TNNI3K: variants seen among roughly 807,000 people sequenced by gnomAD.
The protein encoded by TNNI3K is TNNI3 interacting kinase.
A neutral mutation model predicts 114.5 loss-of-function variants in TNNI3K; 140 were observed. That is an observed-to-expected ratio of 1.22 (90% CI 1.07 to 1.41). The LOEUF is 1.41. Among genes scored for constraint, TNNI3K ranks in the 40% most tolerant of loss-of-function variants. The pLI is 0.00. For missense variants in TNNI3K, 1,125 were observed against 1,007.6 expected, an observed-to-expected ratio of 1.12 and a Z score of -1.58; for synonymous variants, 347 against 347.5, an observed-to-expected ratio of 1.00 and a Z score of 0.02.
intron 2 of TNNI3K, chr1:74,239,952 T>A (rs1654083672): frequency 2.1e-6 from 1 of 470,046 alleles, no homozygotes; most frequent in African/African-American, 2.0e-5. Context: ...GGACATTTGT[T>A]TAGGTAATGG....
intron 7 of TNNI3K, among the ~76,000 whole-genome samples, chr1:74,339,696 G>C (rs1255136695): frequency 6.6e-6 from 1 of 151,908 alleles, no homozygotes; most frequent in Admixed American, 6.6e-5. Context: ...AGTTAGGTAT[G>C]TTTTAAGTCT....
chr1:74,283,960 T>G (rs1657168057), intron 5 of TNNI3K, among the ~76,000 whole-genome samples: 1 of 152,186 alleles, frequency 6.6e-6, no homozygotes, highest in East Asian at 1.9e-4. Flanking sequence ...ACCATACTCC[T>G]TACAAGGAAT....
chr1:74,378,479 G>T lies in TNNI3K; in HGVS notation c.1772+8087G>T, dbSNP rs574360284. Reference sequence around the variant, plus strand: ...ATCTTCAACGTGTGACTTCTAGGGGGTCAACCAAATTCAAGTGAGCACTAA... The same window carrying T: ...ATCTTCAACGTGTGACTTCTAGGGGTTCAACCAAATTCAAGTGAGCACTAA... On this transcript the variant is annotated intron_variant, in intron 17 of 24. Coordinates refer to ENST00000326637, the MANE Select transcript of TNNI3K (RefSeq NM_015978.3). 1.9e-3 allele frequency among the ~76,000 whole-genome samples: 292 copies of T among 150,880 alleles called. 2 individuals are homozygous for T. Among genetic ancestry groups the T allele is most frequent in the Non-Finnish European group, 3.5e-3 (235 of 67,720 alleles).
At chr1:74,270,196 C>T (rs923585948) in intron 4 of TNNI3K, among the ~76,000 whole-genome samples, 1 of 151,556 alleles carries the variant, frequency 6.6e-6, no homozygotes, top group Non-Finnish European at 1.5e-5. Context: ...AAGCAAAATT[C>T]AATGTAGAAT....
rs763279460 is a variant in TNNI3K, at chr1:74,257,661, C to CCTTTTTTTTTTTTTTTT, written c.333+6892_333+6893insCTTTTTTTTTTTTTTTT. Among the ~76,000 whole-genome samples, 2 of 78,590 alleles carry CCTTTTTTTTTTTTTTTT rather than the reference C, an allele frequency of 2.5e-5. 1 individual carries two copies. 51.6% of individuals were successfully genotyped at this position (78,590 alleles called of 152,430 possible). The stretch of plus-strand genomic sequence containing the variant: ...GTTTGAACTTAGCCTCTTGGCTTAC[C>CCTTTTTTTTTTTTTTTT]TCTTTTTTTTTTTTTTTTTTTTTTT... On this transcript the variant is annotated intron_variant, in intron 4 of 24. Transcript: ENST00000326637.
intron 6 of TNNI3K, among the ~76,000 whole-genome samples, chr1:74,332,978 G>GAA (rs1660290964): frequency 1.5e-5 from 1 of 68,576 alleles, no homozygotes; most frequent in Non-Finnish European, 3.8e-5. Flanking sequence ...AAAAAAAAAA[G>GAA]AGAGAGACAG....
chr1:74,448,361 G>C (rs1224815015), intron 20 of TNNI3K, among the ~76,000 whole-genome samples: 3 of 146,800 alleles, frequency 2.0e-5, no homozygotes, highest in Non-Finnish European at 3.0e-5. Context: ...AGGAGATTTT[G>C]GGCTGAGACA....
chr1:74,330,002 C>A (rs1660112876), intron 5 of TNNI3K, among the ~76,000 whole-genome samples: 2 of 151,816 alleles, frequency 1.3e-5, no homozygotes, highest in South Asian at 4.1e-4. Context: ...AATATTTGAC[C>A]AACTGAAGAA....
intron 23 of TNNI3K, among the ~76,000 whole-genome samples, chr1:74,534,062 G>A (rs1300778233): frequency 1.3e-5 from 2 of 152,052 alleles, no homozygotes; most frequent in African/African-American, 4.8e-5. Flanking sequence ...CACCCCACAG[G>A]GGTTTTATAA....
intron 21 of TNNI3K, chr1:74,475,156 A>ACACC: frequency 1.8e-6 from 1 of 557,498 alleles, no homozygotes; most frequent in African/African-American, 1.9e-5. Flanking sequence ...ACACACACAC[A>ACACC]CAGTATTTTT....
intron 23 of TNNI3K, among the ~76,000 whole-genome samples, chr1:74,538,961 T>C (rs2100461168): frequency 6.6e-6 from 1 of 152,250 alleles, no homozygotes; most frequent in African/African-American, 2.4e-5. Context: ...CCAAATGAAC[T>C]GGGAAGCAAT....
intron 23 of TNNI3K, among the ~76,000 whole-genome samples, chr1:74,524,703 C>T (rs190206575): frequency 1.2e-3 from 180 of 151,532 alleles, no homozygotes; most frequent in African/African-American, 4.1e-3. Context: ...TCTCTTCCCT[C>T]GTGGAGGTTT....
rs144709104 is a variant in TNNI3K at position 74,278,990 on chromosome 1, A to G, written c.444+7282A>G. ...TATTTAGCAAAACAGAAAAAGATAC[A>G]GATTCAACTGATAGTGTAAATGCAA... On this transcript the variant is annotated intron_variant, in intron 5 of 24. Coordinates refer to ENST00000326637, the MANE Select transcript of TNNI3K (RefSeq NM_015978.3). Among the ~76,000 whole-genome samples, 234 of 152,356 alleles carry G rather than the reference A, an allele frequency of 1.5e-3. 3 individuals carry two copies. Among genetic ancestry groups the G allele is most frequent in the Middle Eastern group, 6.8e-3 (2 of 294 alleles).
At chr1:74,356,475 C>A (rs1234346201) in intron 11 of TNNI3K, among the ~76,000 whole-genome samples, 1 of 152,148 alleles carries the variant, frequency 6.6e-6, no homozygotes, top group Non-Finnish European at 1.5e-5. Flanking sequence ...TTTCTGAAAT[C>A]TCAGGAGGCC....
At chr1:74,499,498 C>G (rs1669499948) in intron 23 of TNNI3K, among the ~76,000 whole-genome samples, 1 of 152,038 alleles carries the variant, frequency 6.6e-6, no homozygotes, top group South Asian at 2.1e-4. Flanking sequence ...TTGTCAATCT[C>G]TCATTGTGCC....
At chr1:74,470,481 G>A (rs953870151) in intron 21 of TNNI3K, 8 of 400,578 alleles carry the variant, frequency 2.0e-5, no homozygotes, top group Middle Eastern at 3.1e-4. Flanking sequence ...GGTGCCAAAC[G>A]GCTTGACTAC....
At chr1:74,273,406 G>C (rs565777377) in intron 5 of TNNI3K, among the ~76,000 whole-genome samples, 1 of 151,924 alleles carries the variant, frequency 6.6e-6, no homozygotes, top group East Asian at 1.9e-4. Context: ...TAAAGTAAAT[G>C]AGTGGTAAAC....
intron 5 of TNNI3K, among the ~76,000 whole-genome samples, chr1:74,318,927 G>T (rs1659461109): frequency 6.6e-6 from 1 of 152,124 alleles, no homozygotes; most frequent in Non-Finnish European, 1.5e-5. Context: ...TCCAACCTGG[G>T]TGTTTTAAAT....
chr1:74,465,452 C>A (rs1358382564), intron 21 of TNNI3K, among the ~76,000 whole-genome samples: 1 of 152,214 alleles, frequency 6.6e-6, no homozygotes, highest in Non-Finnish European at 1.5e-5. Context: ...GCTGGCCCGC[C>A]CGCACCGTGC....
Sources: allele counts gnomAD v4.1 joint callset (sites outside exome capture counted in the v4.1 genomes callset), GRCh38; gene constraint gnomAD v4.1.1; transcripts MANE v1.5; gene names NCBI Gene and HGNC (gene_info 2026-07-23, HGNC 2026-07-21).